Variants in CALD1 observed in about 807,000 individuals in gnomAD.
The protein encoded by CALD1 is caldesmon.
In CALD1, 33 loss-of-function variants were observed where a neutral mutation model predicts 99.9. The observed-to-expected ratio is 0.33, with a 90% CI of 0.25 to 0.44. The LOEUF (loss-of-function observed/expected upper bound fraction) is 0.44. Among genes scored for constraint, CALD1 ranks in the 20% least tolerant of loss-of-function variants. CALD1 has a pLI of 1.00. For synonymous variants in CALD1, 310 were observed against 325.0 expected, an observed-to-expected ratio of 0.95 and a Z score of 0.50; for missense variants, 861 against 962.1, an observed-to-expected ratio of 0.89 and a Z score of 1.39.
At chr7:134,961,390 GC>G (rs1212312792) in intron 13 of CALD1, 1 of 152,112 alleles carries the variant, frequency 6.6e-6, no homozygotes, top group African/African-American at 2.4e-5. Context: ...CTTTGTTGGT[GC>G]CCAAGGGAGC....
At chr7:134,925,819 C>T (rs996516960) in intron 3 of CALD1, among the ~76,000 whole-genome samples, 1 of 152,142 alleles carries the variant, frequency 6.6e-6, no homozygotes, top group Non-Finnish European at 1.5e-5. Context: ...GAGTTTTATG[C>T]CTCTTGCTTG....
rs573221724 is a variant in CALD1 at position 134,933,722 on chromosome 7, GGGA to G, written c.957_959del (p.Glu321del). On this transcript the variant is annotated inframe_deletion, in exon 5 of 15. Coordinates refer to ENST00000361675, the MANE Select transcript of CALD1 (RefSeq NM_033138.4). ...GAGGCAGAAGAGAGGGAAAGGATGA[GGGA>G]GGAAGAGAAAAGGGCAGCAGAGGAG... The G allele has an allele frequency of 2.2e-3, 3,487 of 1,560,206 alleles. 19 individuals carry two copies. The highest frequency in any genetic ancestry group is 3.6e-3 in the Admixed American group (186 of 51,128).
upstream of CALD1, among the ~76,000 whole-genome samples, chr7:134,774,697 A>C (rs1562993405): frequency 6.6e-6 from 1 of 152,200 alleles, no homozygotes; most frequent in African/African-American, 2.4e-5. Flanking sequence ...TGAGGCTTGA[A>C]TCAGCGTCCT....
the CALD1 span, among the ~76,000 whole-genome samples, chr7:134,718,758 A>G: frequency 6.6e-6 from 1 of 152,152 alleles, no homozygotes; most frequent in Non-Finnish European, 1.5e-5. Flanking sequence ...CTGACCCAGA[A>G]GTCTCATGTC....
rs1805739650 is a variant in CALD1, at chr7:134,933,903, A to C, written c.1134A>C (p.Glu378Asp). The part of the protein sequence containing the change: ...EERQRARAEE[E>D]EKAKVEEQKR... ...GGCAAAGGGCCAGGGCAGAGGAGGA[A>C]GAGAAGGCTAAGGTAGAAGAGCAGA... Residue 378 changes from glutamate (E) to aspartate (D), a missense_variant, in exon 5 of 15, where the codon GAA becomes GAC. By Grantham distance (45) the Glu-to-Asp change is conservative. Coordinates refer to ENST00000361675, the MANE Select transcript of CALD1 (RefSeq NM_033138.4). 6.2e-7 allele frequency: 1 copy of C among 1,613,986 alleles called. No homozygotes were observed. The highest frequency in any genetic ancestry group is 1.3e-5 in the African/African-American group (1 of 75,040).
At position 134,779,727 on chromosome 7, in the gene CALD1, G is replaced by C. The variant is rs143191813; in HGVS notation, c.-152G>C. 1 of 398,394 alleles carries C rather than the reference G, an allele frequency of 2.5e-6. No homozygotes were observed. Among genetic ancestry groups the C allele is most frequent in the Non-Finnish European group, 4.4e-6 (1 of 226,078 alleles). The allele number at this position is 398,394 out of a possible 1,614,324, so 24.7% of individuals were successfully genotyped here. On this transcript the variant is annotated 5_prime_UTR_variant, in exon 1 of 15. Transcript: ENST00000361675. Reference sequence around the variant, plus strand: ...GTCCTTCCTTTCCGACTTAGTCCTCGGGAAGAAGTTTCAGACTACAAGGTA... The same window carrying C: ...GTCCTTCCTTTCCGACTTAGTCCTCCGGAAGAAGTTTCAGACTACAAGGTA...
At chr7:134,947,904 T>C (rs1807028289) in intron 8 of CALD1, 135 bp downstream of exon 8, 2 of 1,068,830 alleles carry the variant, frequency 1.9e-6, no homozygotes, top group South Asian at 1.7e-5. Context: ...GGTACTGTTT[T>C]ATAACTTGTA....
chr7:134,830,143 T>G (rs1799162196), intron 1 of CALD1, among the ~76,000 whole-genome samples: 1 of 152,082 alleles, frequency 6.6e-6, no homozygotes, highest in African/African-American at 2.4e-5. Flanking sequence ...AACAAAAGTA[T>G]AAAGCTTAAC....
chr7:134,766,816 T>C (rs992670551), intron 1 of CALD1, among the ~76,000 whole-genome samples: 6 of 151,738 alleles, frequency 4.0e-5, no homozygotes, highest in African/African-American at 1.5e-4. Context: ...CAAGAGGAGT[T>C]AGGGATCGTG....
At chr7:134,922,230 T>C (rs1804669439) in intron 3 of CALD1, among the ~76,000 whole-genome samples, 1 of 152,212 alleles carries the variant, frequency 6.6e-6, no homozygotes, top group Non-Finnish European at 1.5e-5. Flanking sequence ...AACTGTTCTT[T>C]TTCATTCTCT....
intron 3 of CALD1, among the ~76,000 whole-genome samples, chr7:134,874,814 T>C (rs1801271888): frequency 6.6e-6 from 1 of 152,218 alleles, no homozygotes; most frequent in Non-Finnish European, 1.5e-5. Flanking sequence ...TACTACACTA[T>C]AAAAAGAAGC....
chr7:134,761,885 C>T (rs1796781577), intron 1 of CALD1, among the ~76,000 whole-genome samples: 1 of 152,104 alleles, frequency 6.6e-6, no homozygotes, highest in Non-Finnish European at 1.5e-5. Context: ...GAAATATTTG[C>T]AATCAGGTCT....
At chr7:134,861,033 T>G (rs1017129914) in intron 2 of CALD1, among the ~76,000 whole-genome samples, 24 of 152,164 alleles carry the variant, frequency 1.6e-4, no homozygotes, top group African/African-American at 5.6e-4. Flanking sequence ...ATCAAAAAAT[T>G]AAATGAGAAC....
At chr7:134,889,868 CTG>C (rs1249696822) in intron 3 of CALD1, among the ~76,000 whole-genome samples, 2 of 152,100 alleles carry the variant, frequency 1.3e-5, no homozygotes, top group African/African-American at 4.8e-5. Context: ...GTTTATTAAA[CTG>C]TATTTACTCT....
the CALD1 span, among the ~76,000 whole-genome samples, chr7:134,726,164 A>T: frequency 6.6e-6 from 1 of 151,880 alleles, no homozygotes; most frequent in African/African-American, 2.4e-5. Flanking sequence ...AATGGCTAAC[A>T]TCCCACCAAA....
At position 134,859,428 on chromosome 7, in the gene CALD1, T is replaced by C. The variant is rs545613394; in HGVS notation, c.-41-8265T>C. 5.3e-5 allele frequency among the ~76,000 whole-genome samples: 8 copies of C among 152,346 alleles called. No homozygotes were observed. The East Asian group carries it at 1.3e-3, about 26-fold the overall frequency. On this transcript the variant is annotated intron_variant, in intron 2 of 14. Transcript: ENST00000361675. ...CAATAGAGCAGCATGCCTATTCTGATTTAGCATTAAACTCTGTCTTTCAGC... is the reference window on the plus strand; with the variant it reads ...CAATAGAGCAGCATGCCTATTCTGACTTAGCATTAAACTCTGTCTTTCAGC...
At chr7:134,852,383 G>A (rs533785436) in intron 2 of CALD1, among the ~76,000 whole-genome samples, 2 of 152,168 alleles carry the variant, frequency 1.3e-5, no homozygotes, top group East Asian at 3.9e-4. Context: ...GGTGGGGAGA[G>A]GAATCATGTG....
Position 134,969,660 on chromosome 7 carries a change from G to A in CALD1, c.*1315G>A, listed in dbSNP as rs1380639631. ...CTTTTATTTGTCATTGATACCTGTA[G>A]TAAGTTGACAATGTGGTGAAATTTC... On this transcript the variant is annotated 3_prime_UTR_variant, in exon 15 of 15. Coordinates refer to ENST00000361675, the MANE Select transcript of CALD1 (RefSeq NM_033138.4). 1 of 152,170 alleles carries A rather than the reference G, an allele frequency of 6.6e-6. No individual in the cohort carries two copies. The highest frequency in any genetic ancestry group is 1.5e-5 in the Non-Finnish European group (1 of 68,036). The allele number at this position is 152,170 out of a possible 1,614,324, so 9.4% of individuals were successfully genotyped here. A position where few individuals can be genotyped will look rare whatever the true frequency, so the allele number is the denominator to read the frequency against.
At chr7:134,780,836 G>A (rs1797078586) in intron 1 of CALD1, among the ~76,000 whole-genome samples, 1 of 152,170 alleles carries the variant, frequency 6.6e-6, no homozygotes, top group Admixed American at 6.5e-5. Context: ...GACATATACA[G>A]CTAGAACCTG....
Sources: allele counts gnomAD v4.1 joint callset (sites outside exome capture counted in the v4.1 genomes callset), GRCh38; gene constraint gnomAD v4.1.1; transcripts MANE v1.5; gene names NCBI Gene and HGNC (gene_info 2026-07-23, HGNC 2026-07-21).